EIF3E: variants seen among roughly 807,000 people sequenced by gnomAD.
EIF3E encodes eukaryotic translation initiation factor 3 subunit E, also known as eIF-3 p48.
Under a neutral mutation model 59.3 loss-of-function variants are expected in EIF3E, and 25 were observed. The observed-to-expected ratio is 0.42, with a 90% CI of 0.31 to 0.59. EIF3E has a LOEUF of 0.59. Ranked by LOEUF, EIF3E falls within the 20% of genes least tolerant of loss-of-function variation. EIF3E has a pLI of 0.15. For missense variants in EIF3E, 317 were observed against 534.3 expected, an observed-to-expected ratio of 0.59 and a Z score of 4.01; for synonymous variants, 176 against 170.2, an observed-to-expected ratio of 1.03 and a Z score of -0.26.
Position 108,218,909 on chromosome 8 carries a change from G to A in EIF3E, c.723-1449C>T, listed in dbSNP as rs572550827. Among the ~76,000 whole-genome samples the A allele has an allele frequency of 5.9e-4, 87 of 146,684 alleles. 1 individual carries two copies. In the South Asian group the frequency reaches 6.8e-3, roughly 11 times the overall value. On this transcript the variant is annotated intron_variant, in intron 7 of 12. Transcript: ENST00000220849. ...AGAGATTCTCCTGCCTCAGCCTCCC[G>A]AGTAGTTGGAACTACAGGTGCACAC...
At chr8:108,222,046 C>T (rs561468264) in intron 7 of EIF3E, among the ~76,000 whole-genome samples, 4 of 152,070 alleles carry the variant, frequency 2.6e-5, no homozygotes, top group African/African-American at 9.6e-5. Flanking sequence ...TGGCTCCAGG[C>T]GTTTTTACTT....
intron 7 of EIF3E, 179 bp downstream of exon 7, chr8:108,228,088 A>G: frequency 1.7e-6 from 1 of 591,754 alleles, no homozygotes; most frequent in African/African-American, 1.9e-5. Context: ...ACACTCTGTC[A>G]AATAGTTTAC....
chr8:108,211,284 C>T lies in EIF3E; in HGVS notation c.1061+3323G>A, dbSNP rs1441161807. Among the ~76,000 whole-genome samples the T allele has an allele frequency of 5.3e-5, 8 of 152,216 alleles. No homozygotes were observed. In the South Asian group the frequency reaches 1.0e-3, roughly 20 times the overall value. Reference sequence around the variant, plus strand: ...TTGTTTCCTGACTTTTTAATGATCGCCATTCTAACTGGTGTGAGATGGTAT... The same window carrying T: ...TTGTTTCCTGACTTTTTAATGATCGTCATTCTAACTGGTGTGAGATGGTAT... On this transcript the variant is annotated intron_variant, in intron 10 of 12. Coordinates refer to ENST00000220849, the MANE Select transcript of EIF3E (RefSeq NM_001568.3).
In EIF3E at chr8:108,248,652, A is replaced by T; in HGVS notation, c.51T>A (p.His17Gln). 1.9e-6 allele frequency: 3 copies of T among 1,614,148 alleles called. No individual in the cohort carries two copies. The highest frequency in any genetic ancestry group is 2.5e-6 in the Non-Finnish European group (3 of 1,180,026). The stretch of plus-strand genomic sequence containing the variant: ...GAAATTCAAGAAGCGGAAAGACTAG[A>T]TGCCGATCCAAAAAGTGCGCGATGC... ...TTRIAHFLDR[H>Q]LVFPLLEFLS... is the part of the protein sequence containing the mutation. Residue 17 changes from histidine to glutamine, a missense_variant, in exon 1 of 13, where the codon CAT (histidine) becomes CAA (glutamine). This residue lies in a region of EIF3E where 242 missense variants were observed against 398.0 expected (regional missense o/e 0.61). Coordinates refer to ENST00000220849, the MANE Select transcript of EIF3E (RefSeq NM_001568.3).
intron 5 of EIF3E, chr8:108,233,661 G>GC: frequency 2.4e-6 from 1 of 412,018 alleles, no homozygotes; most frequent in Non-Finnish European, 4.9e-6. Flanking sequence ...GGGCAACATA[G>GC]CAAGACTCCA....
intron 1 of EIF3E, among the ~76,000 whole-genome samples, 176 bp downstream of exon 1, chr8:108,248,437 C>T (rs952775883): frequency 3.3e-5 from 5 of 152,154 alleles, no homozygotes; most frequent in African/African-American, 1.2e-4. Context: ...CCGAATAGTG[C>T]GGTGCTTCTT....
intron 1 of EIF3E, among the ~76,000 whole-genome samples, chr8:108,247,919 T>C (rs940094070): frequency 2.0e-5 from 3 of 151,068 alleles, no homozygotes; most frequent in Non-Finnish European, 2.9e-5. Context: ...CATTTATTCA[T>C]GATATCTTGA....
At chr8:108,242,772 A>C in intron 1 of EIF3E, 1 of 598,868 alleles carries the variant, frequency 1.7e-6, no homozygotes, top group Non-Finnish European at 2.1e-6. Context: ...AGACAACCAA[A>C]TGGCCAACAG....
At chr8:108,245,265 A>C (rs1815925596) in intron 1 of EIF3E, among the ~76,000 whole-genome samples, 1 of 152,088 alleles carries the variant, frequency 6.6e-6, no homozygotes, top group Non-Finnish European at 1.5e-5. Flanking sequence ...CAGGAGTTTG[A>C]GACCAGCCTG....
At chr8:108,204,523 A>T (rs1339681171) in intron 10 of EIF3E, among the ~76,000 whole-genome samples, 1 of 151,844 alleles carries the variant, frequency 6.6e-6, no homozygotes, top group Non-Finnish European at 1.5e-5. Flanking sequence ...AGAATTCACC[A>T]CTATATTATT....
chr8:108,223,535 A>C (rs886477665), intron 7 of EIF3E, among the ~76,000 whole-genome samples: 1 of 152,210 alleles, frequency 6.6e-6, no homozygotes, highest in East Asian at 1.9e-4. Flanking sequence ...AATTTCTTAG[A>C]AAATTCAGAT....
chr8:108,201,534 G>T lies in EIF3E; in HGVS notation c.*351C>A, dbSNP rs551203525. Reference sequence around the variant, plus strand: ...AATCTACACGTGATAAAATGGTAGGGAGCTATTTGTACACACATTGTACCA... The same window carrying T: ...AATCTACACGTGATAAAATGGTAGGTAGCTATTTGTACACACATTGTACCA... On this transcript the variant is annotated 3_prime_UTR_variant, in exon 13 of 13. Transcript: ENST00000220849. The T allele has an allele frequency of 1.3e-5, 2 of 159,228 alleles. No individual in the cohort carries two copies. The highest frequency in any genetic ancestry group is 1.3e-4 in the Admixed American group (2 of 15,506). The allele number at this position is 159,228 out of a possible 1,614,324, so 9.9% of individuals were successfully genotyped here.
chr8:108,239,233 G>A (rs1326362909), intron 3 of EIF3E, among the ~76,000 whole-genome samples: 4 of 152,108 alleles, frequency 2.6e-5, no homozygotes, highest in Non-Finnish European at 5.9e-5. Flanking sequence ...ACTTTGGAAT[G>A]CAGTGGTATT....
At chr8:108,224,726 C>A (rs1815487560) in intron 7 of EIF3E, among the ~76,000 whole-genome samples, 1 of 151,364 alleles carries the variant, frequency 6.6e-6, no homozygotes, top group Non-Finnish European at 1.5e-5. Flanking sequence ...CTTACTGGGG[C>A]AATAAAAATG....
At chr8:108,222,214 TA>T (rs929044605) in intron 7 of EIF3E, among the ~76,000 whole-genome samples, 44 of 152,166 alleles carry the variant, frequency 2.9e-4, no homozygotes, top group African/African-American at 9.6e-4. Flanking sequence ...AGCTAATTTC[TA>T]AAAAAATGTT....
At chr8:108,238,079 C>T (rs962718410) in intron 3 of EIF3E, among the ~76,000 whole-genome samples, 1 of 152,184 alleles carries the variant, frequency 6.6e-6, no homozygotes, top group African/African-American at 2.4e-5. Flanking sequence ...ACTTCCCAGT[C>T]TTTGAGTGAC....
At chr8:108,205,610 T>C (rs568314848) in intron 10 of EIF3E, among the ~76,000 whole-genome samples, 1 of 152,334 alleles carries the variant, frequency 6.6e-6, no homozygotes, top group African/African-American at 2.4e-5. Context: ...AATTGTAAAC[T>C]GTTCTGGCTA....
At chr8:108,216,567 A>T in intron 8 of EIF3E, 54 bp from the exon 9 acceptor site, 1 of 1,231,814 alleles carries the variant, frequency 8.1e-7, no homozygotes. Context: ...TGTTTAGCAG[A>T]TTGCCCCAGA....
intron 10 of EIF3E, among the ~76,000 whole-genome samples, chr8:108,206,588 A>T: frequency 6.9e-6 from 1 of 144,944 alleles, no homozygotes; most frequent in East Asian, 2.0e-4. Context: ...TTCTGTGCAC[A>T]TGTGCACACA....
Sources: gnomAD v4.1 joint callset for allele counts (sites outside exome capture counted in the v4.1 genomes callset) on GRCh38, gnomAD v4.1.1 for gene constraint, gnomAD v4.1.1 regional missense constraint, MANE v1.5 for transcripts, NCBI Gene and HGNC (gene_info 2026-07-23, HGNC 2026-07-21) for gene names.